The following PRKN variants were observed in gnomAD, a reference collection of about 807,000 sequenced individuals.
PRKN encodes parkin RBR E3 ubiquitin protein ligase.
Under a neutral mutation model 59.5 loss-of-function variants are expected in PRKN, and 56 were observed. The ratio of observed to expected loss-of-function variants is 0.94; its 90% CI spans 0.76 to 1.18. The LOEUF (loss-of-function observed/expected upper bound fraction) is 1.18, where lower values mean the gene tolerates loss of function less well. Ranked by LOEUF, PRKN falls within the 50% of genes most tolerant of loss-of-function variation. The pLI, the probability that PRKN is intolerant of heterozygous loss-of-function variation, is 0.00. For synonymous variants in PRKN, 250 were observed against 222.1 expected, an observed-to-expected ratio of 1.13 and a Z score of -1.12; for missense variants, 657 against 596.4, an observed-to-expected ratio of 1.10 and a Z score of -1.06.
chr6:162,323,071 T>G (rs1583378130), intron 2 of PRKN, among the ~76,000 whole-genome samples: 2 of 74,094 alleles, frequency 2.7e-5, no homozygotes, highest in East Asian at 5.1e-4. Context: ...GGGACTGTTG[T>G]GGGGTGGGGG....
intron 4 of PRKN, among the ~76,000 whole-genome samples, chr6:162,062,092 T>A (rs1166803093): frequency 6.6e-6 from 1 of 152,182 alleles, no homozygotes; most frequent in Non-Finnish European, 1.5e-5. Flanking sequence ...TGAAAATATA[T>A]CCACACAGAA....
At chr6:162,535,587 T>C (rs1310586189) in intron 1 of PRKN, among the ~76,000 whole-genome samples, 2 of 151,994 alleles carry the variant, frequency 1.3e-5, no homozygotes, top group Non-Finnish European at 2.9e-5. Flanking sequence ...TAATAATATT[T>C]CTCTAGCATT....
At chr6:161,787,785 A>G (rs2128207185) in intron 6 of PRKN, among the ~76,000 whole-genome samples, 1 of 152,246 alleles carries the variant, frequency 6.6e-6, no homozygotes, top group African/African-American at 2.4e-5. Flanking sequence ...TCTCTACCAA[A>G]AATACAAAAA....
At chr6:162,169,478 A>G (rs1783154591) in intron 4 of PRKN, among the ~76,000 whole-genome samples, 1 of 137,540 alleles carries the variant, frequency 7.3e-6, no homozygotes, top group South Asian at 2.4e-4. Flanking sequence ...TTAAAAATTT[A>G]TCACATGTTA....
chr6:162,123,312 T>C (rs1562526847), intron 4 of PRKN, among the ~76,000 whole-genome samples: 1 of 151,894 alleles, frequency 6.6e-6, no homozygotes, highest in African/African-American at 2.4e-5. Context: ...GGTCACATTA[T>C]ACAATGGGAA....
At chr6:161,432,355 A>AT (rs1188841520) in intron 9 of PRKN, among the ~76,000 whole-genome samples, 1,517 of 92,072 alleles carry the variant, frequency 0.016, 17 homozygotes, top group East Asian at 0.03. Flanking sequence ...ACTTCCTCTG[A>AT]TTTTTTTTTT....
chr6:162,446,657 T>C (rs1790330206), intron 1 of PRKN, among the ~76,000 whole-genome samples: 1 of 152,208 alleles, frequency 6.6e-6, no homozygotes, highest in Non-Finnish European at 1.5e-5. Flanking sequence ...ACATAATATT[T>C]GACCAACTAA....
At chr6:162,395,978 A>G (rs1787454884) in intron 2 of PRKN, among the ~76,000 whole-genome samples, 1 of 152,226 alleles carries the variant, frequency 6.6e-6, no homozygotes, top group African/African-American at 2.4e-5. Flanking sequence ...CTTTTCTGGT[A>G]TACAGTAAAA....
chr6:161,453,408 C>G (rs1235022984), intron 9 of PRKN, among the ~76,000 whole-genome samples: 1 of 152,138 alleles, frequency 6.6e-6, no homozygotes, highest in Non-Finnish European at 1.5e-5. Context: ...TGGCTTGTCT[C>G]TAGTACCTGG....
chr6:162,073,260 T>G (rs1024965098), intron 4 of PRKN, among the ~76,000 whole-genome samples: 4 of 152,184 alleles, frequency 2.6e-5, no homozygotes, highest in Non-Finnish European at 5.9e-5. Context: ...CACTTTCAAG[T>G]AAAAGTGAAC....
chr6:161,531,531 T>C (rs1350181636), intron 9 of PRKN, among the ~76,000 whole-genome samples: 2 of 152,108 alleles, frequency 1.3e-5, no homozygotes, highest in African/African-American at 4.8e-5. Context: ...TGTCCCAAGG[T>C]AGGTGGCCCA....
At chr6:162,694,776 TAG>T (rs1185500435) in intron 1 of PRKN, 3 of 152,194 alleles carry the variant, frequency 2.0e-5, no homozygotes, top group Non-Finnish European at 4.4e-5. Context: ...ATTCAACAGT[TAG>T]AGTTTTCCAA....
intron 6 of PRKN, among the ~76,000 whole-genome samples, chr6:161,864,952 C>A (rs1229108535): frequency 1.3e-5 from 2 of 152,150 alleles, no homozygotes; most frequent in Non-Finnish European, 1.5e-5. Flanking sequence ...TCGTGCCCGG[C>A]CTCCAAAAGG....
chr6:162,112,629 T>C (rs1780488590), intron 4 of PRKN, among the ~76,000 whole-genome samples: 1 of 152,176 alleles, frequency 6.6e-6, no homozygotes, highest in African/African-American at 2.4e-5. Context: ...TTAGATAATG[T>C]CCTAGGCCGG....
intron 4 of PRKN, among the ~76,000 whole-genome samples, chr6:162,188,505 A>G (rs964922303): frequency 4.6e-5 from 7 of 152,190 alleles, no homozygotes; most frequent in Non-Finnish European, 8.8e-5. Context: ...ATGTCCACAT[A>G]GGCCCTATCC....
At chr6:161,772,370 T>C (rs979465854) in intron 7 of PRKN, among the ~76,000 whole-genome samples, 9 of 152,208 alleles carry the variant, frequency 5.9e-5, no homozygotes, top group Non-Finnish European at 1.3e-4. Context: ...ACAGACTGTG[T>C]TGCTCAATGT....
In PRKN at chr6:161,350,198, G is replaced by A; in HGVS notation, c.1299C>T (p.His433=). The change falls in exon 12 of 12, where the codon CAC becomes CAT. Residue 433 remains histidine, a synonymous_variant. Transcript: ENST00000366898. Reference sequence around the variant, plus strand: ...TGCACTGGGGCTGCGGACACTTCATGTGCATGCAGCCTCCTGTTGGGGGCA... The same window carrying A: ...TGCACTGGGGCTGCGGACACTTCATATGCATGCAGCCTCCTGTTGGGGGCA... The part of the protein sequence containing the change: ...VPVEKNGGCM[H]MKCPQPQCRL... The A allele has an allele frequency of 6.8e-6, 11 of 1,613,160 alleles. No homozygotes were observed. The highest frequency in any genetic ancestry group is 9.3e-6 in the Non-Finnish European group (11 of 1,179,550).
intron 4 of PRKN, among the ~76,000 whole-genome samples, chr6:162,168,204 T>C (rs779519416): frequency 1.8e-4 from 27 of 152,116 alleles, no homozygotes; most frequent in African/African-American, 6.5e-4. Flanking sequence ...TTTCTTTCTC[T>C]CCCTATCTCT....
chr6:161,856,249 G>A (rs969302663), intron 6 of PRKN, among the ~76,000 whole-genome samples: 8 of 152,030 alleles, frequency 5.3e-5, no homozygotes, highest in Non-Finnish European at 1.0e-4. Flanking sequence ...AATCCCAGCT[G>A]CTCGGGAAGC....
Sources: allele counts gnomAD v4.1 joint callset (sites outside exome capture counted in the v4.1 genomes callset), GRCh38; gene constraint gnomAD v4.1.1; transcripts MANE v1.5; gene names NCBI Gene and HGNC (gene_info 2026-07-23, HGNC 2026-07-21).